The following PPP2R2C variants were observed in gnomAD, a reference collection of about 807,000 sequenced individuals.
PPP2R2C encodes protein phosphatase 2 regulatory subunit Bgamma.
PPP2R2C carries 10 observed loss-of-function variants against 45.3 expected under a neutral mutation model. The observed-to-expected ratio is 0.22, with a 90% confidence interval of 0.14 to 0.37. PPP2R2C has a LOEUF of 0.37. Among genes scored for constraint, PPP2R2C ranks in the 10% least tolerant of loss-of-function variants. PPP2R2C has a pLI of 1.00. For missense variants in PPP2R2C, 308 were observed against 619.7 expected (o/e 0.50, Z 5.34); for synonymous variants, 257 against 245.4 (o/e 1.05, Z -0.44).
chr4:6,428,761 C>T (rs534455440), intron 1 of PPP2R2C, among the ~76,000 whole-genome samples: 1 of 152,360 alleles, frequency 6.6e-6, no homozygotes, highest in Admixed American at 6.5e-5. Flanking sequence ...TCTCCAAAAA[C>T]AGCTGTGCAA....
chr4:6,529,012 C>T lies in PPP2R2C; in HGVS notation c.49+6259G>A, dbSNP rs548015452. 7.0e-3 allele frequency among the ~76,000 whole-genome samples: 1,072 copies of T among 152,322 alleles called. 9 individuals are homozygous for T. Among genetic ancestry groups the T allele is most frequent in the Non-Finnish European group, 0.01 (683 of 68,044 alleles). Reference sequence around the variant, plus strand: ...GGTGGTCTCTTCACACGGACGCGCACTAAACTTACTTTATTTCTTGCCATC... The same window carrying T: ...GGTGGTCTCTTCACACGGACGCGCATTAAACTTACTTTATTTCTTGCCATC... On this transcript the variant is annotated intron_variant, in intron 2 of 9. Coordinates refer to the PPP2R2C transcript ENST00000506140.
Position 6,386,776 on chromosome 4 carries a change from C to T in PPP2R2C, c.71-5682G>A, listed in dbSNP as rs76742062. 2.3e-3 allele frequency among the ~76,000 whole-genome samples: 355 copies of T among 152,198 alleles called. 2 individuals are homozygous for T. Among genetic ancestry groups the T allele is most frequent in the African/African-American group, 7.7e-3 (320 of 41,528 alleles). On this transcript the variant is annotated intron_variant, in intron 1 of 8. Transcript: ENST00000382599. The stretch of plus-strand genomic sequence containing the variant: ...GGAAACTCACCTGAAATGTGCTGGC[C>T]GCTGCAATTAGCAAATAGAGATTTT...
chr4:6,452,124 C>T (rs1455345491), intron 1 of PPP2R2C, among the ~76,000 whole-genome samples: 1 of 152,108 alleles, frequency 6.6e-6, no homozygotes, highest in Non-Finnish European at 1.5e-5. Context: ...GGAGTGGGGT[C>T]CCAGCCCCAA....
At position 6,378,563 on chromosome 4, in the gene PPP2R2C, C is replaced by A. The variant is rs1257912436; in HGVS notation, c.178G>T (p.Ala60Ser). ...TCGTATTCGCCCTGGCTGTGGGGCG[C>A]ATTTTTACTCTGCAGGGAAACCCGG... ...IFQREPESKN[A>S]PHSQGEYDVY... The change falls in exon 3 of 9, where the codon GCG becomes TCG. Residue 60 changes from alanine (A) to serine (S), a missense_variant. Transcript: ENST00000382599. This position sits in a 1 kb window ranked among gnomAD's most constrained non-coding sequence, Gnocchi z 5.2. 21 of 1,613,288 alleles carry A rather than the reference C, an allele frequency of 1.3e-5. No homozygotes were observed. The highest frequency in any genetic ancestry group is 1.6e-5 in the Non-Finnish European group (19 of 1,179,598).
chr4:6,509,205 T>C (rs1264997720), intron 2 of PPP2R2C, among the ~76,000 whole-genome samples: 3 of 152,224 alleles, frequency 2.0e-5, no homozygotes, highest in Non-Finnish European at 4.4e-5. Flanking sequence ...GATTTTCCCA[T>C]GGTTGGGAAA....
intron 6 of PPP2R2C, among the ~76,000 whole-genome samples, chr4:6,334,722 G>C (rs1404120119): frequency 1.3e-5 from 2 of 152,170 alleles, no homozygotes; most frequent in African/African-American, 4.8e-5. Flanking sequence ...AGCCAATCTG[G>C]AAATACCTAA....
At chr4:6,403,849 T>G in intron 1 of PPP2R2C, among the ~76,000 whole-genome samples, 1 of 136,530 alleles carries the variant, frequency 7.3e-6, no homozygotes, top group African/African-American at 2.8e-5. Context: ...GGTGACAGAG[T>G]GAAACTCCGC....
chr4:6,326,970 T>TG (rs1436927585), intron 8 of PPP2R2C, among the ~76,000 whole-genome samples: 2 of 152,168 alleles, frequency 1.3e-5, no homozygotes, highest in African/African-American at 4.8e-5. Flanking sequence ...TGTGGGAACC[T>TG]GGGGGGAATC....
chr4:6,539,658 G>A (rs961813916), intron 1 of PPP2R2C, among the ~76,000 whole-genome samples: 3 of 152,166 alleles, frequency 2.0e-5, no homozygotes, highest in African/African-American at 4.8e-5. Context: ...AGCGCCTGCC[G>A]ACCAGGCAGT....
intron 2 of PPP2R2C, among the ~76,000 whole-genome samples, chr4:6,512,566 G>GTGA (rs1294064296): frequency 5.7e-4 from 66 of 115,542 alleles, no homozygotes; most frequent in African/African-American, 2.2e-3. Context: ...GGTGGTGGTG[G>GTGA]TGGTGATGGT....
At chr4:6,511,534 G>GTGA (rs1723492218) in intron 2 of PPP2R2C, among the ~76,000 whole-genome samples, 1 of 17,946 alleles carries the variant, frequency 5.6e-5, no homozygotes, top group African/African-American at 1.0e-4. Flanking sequence ...GATGGTGGTG[G>GTGA]TGGTGGTGGT....
chr4:6,535,225 C>T (rs1724566801), intron 2 of PPP2R2C: 1 of 1,531,824 alleles, frequency 6.5e-7, no homozygotes, highest in Non-Finnish European at 8.7e-7. Flanking sequence ...CCCACGTCCC[C>T]AAGCTCACCG....
chr4:6,534,209 A>C (rs1577244265), intron 2 of PPP2R2C, among the ~76,000 whole-genome samples: 1 of 150,284 alleles, frequency 6.7e-6, no homozygotes, highest in East Asian at 2.0e-4. Context: ...ACACACCAAC[A>C]CATACACATA....
intron 1 of PPP2R2C, among the ~76,000 whole-genome samples, chr4:6,422,784 C>T (rs1719062175): frequency 6.6e-6 from 1 of 152,236 alleles, no homozygotes; most frequent in Non-Finnish European, 1.5e-5. Flanking sequence ...AACACAGTCA[C>T]ATTCTGAGGT....
upstream of PPP2R2C, among the ~76,000 whole-genome samples, chr4:6,474,530 A>G (rs1196280980): frequency 6.6e-6 from 1 of 151,738 alleles, no homozygotes; most frequent in Non-Finnish European, 1.5e-5. Flanking sequence ...CTGCCAAAAC[A>G]CCCACCCTAT....
At chr4:6,340,525 G>A (rs533744972) in intron 6 of PPP2R2C, among the ~76,000 whole-genome samples, 137 of 141,546 alleles carry the variant, frequency 9.7e-4, no homozygotes, top group Non-Finnish European at 1.8e-3. Flanking sequence ...AGCCATCCCC[G>A]ACCCTCCCTC....
At chr4:6,529,080 A>G (rs1724310818) in intron 2 of PPP2R2C, among the ~76,000 whole-genome samples, 1 of 152,196 alleles carries the variant, frequency 6.6e-6, no homozygotes, top group Admixed American at 6.5e-5. Flanking sequence ...TCATGTCTCC[A>G]TAGGCAGATG....
At chr4:6,559,886 C>T (rs1194244958) in intron 1 of PPP2R2C, among the ~76,000 whole-genome samples, 2 of 152,190 alleles carry the variant, frequency 1.3e-5, no homozygotes, top group Non-Finnish European at 1.5e-5. Context: ...TGTTTTGTTA[C>T]GGCAGCCCCA....
At chr4:6,407,324 G>C (rs890845530) in intron 1 of PPP2R2C, among the ~76,000 whole-genome samples, 1 of 152,256 alleles carries the variant, frequency 6.6e-6, no homozygotes, top group Non-Finnish European at 1.5e-5. Context: ...ACACAAGTCA[G>C]GATGAATGGA....
Sources: gnomAD v4.1 joint callset for allele counts (sites outside exome capture counted in the v4.1 genomes callset) on GRCh38, gnomAD v4.1.1 for gene constraint, Gnocchi (gnomAD v3.1) non-coding constraint, MANE v1.5 for transcripts, NCBI Gene and HGNC (gene_info 2026-07-23, HGNC 2026-07-21) for gene names.